FNBP1L: variants seen among roughly 807,000 people sequenced by gnomAD.
The protein encoded by FNBP1L is formin binding protein 1 like, also known as formin-binding protein 1-like.
Under a neutral mutation model 91.2 loss-of-function variants are expected in FNBP1L, and 36 were observed. The ratio of observed to expected loss-of-function variants is 0.39; its 90% CI spans 0.30 to 0.52. The LOEUF (loss-of-function observed/expected upper bound fraction) is 0.52, where lower values mean the gene tolerates loss of function less well. Among genes scored for constraint, FNBP1L ranks in the 20% least tolerant of loss-of-function variants. The probability of loss-of-function intolerance (pLI) is 0.66; values close to 1 mark genes in which losing one functional copy is unlikely to be tolerated. For synonymous variants in FNBP1L, 242 were observed against 237.0 expected, an observed-to-expected ratio of 1.02 and a Z score of -0.19; for missense variants, 571 against 732.1, an observed-to-expected ratio of 0.78 and a Z score of 2.54.
intron 2 of FNBP1L, among the ~76,000 whole-genome samples, chr1:93,505,023 C>T (rs747998706): frequency 6.6e-6 from 1 of 151,192 alleles, no homozygotes. Context: ...AGATTTTCTC[C>T]TATGTTTTCT....
At chr1:93,489,826 T>C (rs971924541) in intron 1 of FNBP1L, among the ~76,000 whole-genome samples, 5 of 152,300 alleles carry the variant, frequency 3.3e-5, no homozygotes, top group Non-Finnish European at 7.4e-5. Context: ...TTTAGCTCTA[T>C]GAGACTGAAA....
intron 14 of FNBP1L, 24 bp downstream of exon 14, chr1:93,547,465 A>G (rs1343187287): frequency 2.0e-5 from 31 of 1,528,982 alleles, no homozygotes; most frequent in Non-Finnish European, 2.7e-5. Context: ...TTTTATTTGT[A>G]TTTCTTCTCC....
intron 2 of FNBP1L, among the ~76,000 whole-genome samples, chr1:93,517,838 G>C (rs1194209139): frequency 6.6e-6 from 1 of 152,020 alleles, no homozygotes; most frequent in Non-Finnish European, 1.5e-5. Flanking sequence ...ACCATCTCTG[G>C]TGTTGGCATC....
At chr1:93,536,089 CTG>C (rs759747252) in intron 9 of FNBP1L, among the ~76,000 whole-genome samples, 6 of 151,946 alleles carry the variant, frequency 3.9e-5, no homozygotes, top group Non-Finnish European at 7.4e-5. Context: ...TTTGTGAACT[CTG>C]TGTTTTTAAT....
At chr1:93,453,547 G>A (rs1668563982) in intron 1 of FNBP1L, among the ~76,000 whole-genome samples, 1 of 152,118 alleles carries the variant, frequency 6.6e-6, no homozygotes, top group South Asian at 2.1e-4. Context: ...AATAGTAAGA[G>A]AAATAGTAAT....
Position 93,502,926 on chromosome 1 carries a change from G to A in FNBP1L, c.140+3343G>A, listed in dbSNP as rs143398815. On this transcript the variant is annotated intron_variant, in intron 2 of 16. Coordinates refer to ENST00000271234, the MANE Select transcript of FNBP1L (RefSeq NM_001164473.3). ...TTAGTAAATGATTGGATTATCAGCTGCTGTTTATAGTATGTCTTTTATCCA... is the reference window on the plus strand; with the variant it reads ...TTAGTAAATGATTGGATTATCAGCTACTGTTTATAGTATGTCTTTTATCCA... Among the ~76,000 whole-genome samples the A allele has an allele frequency of 4.1e-4, 62 of 152,292 alleles. 1 individual carries two copies. The East Asian group carries it at 0.012, about 28-fold the overall frequency.
At chr1:93,525,012 A>G (rs1468100001) in intron 5 of FNBP1L, among the ~76,000 whole-genome samples, 1 of 151,972 alleles carries the variant, frequency 6.6e-6, no homozygotes, top group Admixed American at 6.6e-5. Context: ...TTCACGTAGA[A>G]CACTGCAGTT....
intron 2 of FNBP1L, among the ~76,000 whole-genome samples, chr1:93,507,459 T>TA (rs766277118): frequency 3.4e-4 from 52 of 152,132 alleles, no homozygotes; most frequent in Non-Finnish European, 6.5e-4. Context: ...GCTTTGCACT[T>TA]ACCTATTAAA....
intron 1 of FNBP1L, among the ~76,000 whole-genome samples, chr1:93,451,246 A>G (rs1570752817): frequency 1.3e-5 from 2 of 152,344 alleles, no homozygotes; most frequent in South Asian, 2.1e-4. Flanking sequence ...TTCACAAAGC[A>G]CAGATTTTGA....
chr1:93,538,133 A>G (rs1039938232), intron 10 of FNBP1L, among the ~76,000 whole-genome samples: 7 of 152,052 alleles, frequency 4.6e-5, no homozygotes, highest in Non-Finnish European at 1.0e-4. Context: ...TTTACACTAT[A>G]TAGTCATAGT....
At chr1:93,551,224 A>G in intron 16 of FNBP1L, 119 bp downstream of exon 16, 2 of 1,390,498 alleles carry the variant, frequency 1.4e-6, no homozygotes, top group Non-Finnish European at 1.9e-6. Context: ...CTTAAAGGGC[A>G]TCCAAGATTA....
chr1:93,479,866 C>T (rs1426253358), intron 1 of FNBP1L, among the ~76,000 whole-genome samples: 2 of 152,062 alleles, frequency 1.3e-5, no homozygotes, highest in Non-Finnish European at 2.9e-5. Context: ...TCAGTTTGTA[C>T]AATAGTGGTC....
chr1:93,451,560 T>C (rs981049837), intron 1 of FNBP1L, among the ~76,000 whole-genome samples: 10 of 152,180 alleles, frequency 6.6e-5, no homozygotes, highest in African/African-American at 2.2e-4. Context: ...ATATAAATCT[T>C]TTTTATGCCT....
rs891772363 is a variant in FNBP1L, at chr1:93,547,794, C to A, written c.1502+353C>A. 2.0e-5 allele frequency among the ~76,000 whole-genome samples: 3 copies of A among 152,016 alleles called. No individual in the cohort carries two copies. In the East Asian group the frequency reaches 5.8e-4, roughly 29 times the overall value. On this transcript the variant is annotated intron_variant, in intron 14 of 16. Transcript: ENST00000271234. ...AGAAAAATTTTACTATCAAATAGCT[C>A]AGAGTTTTGTGAAGAAAAAAAAATG...
chr1:93,530,647 T>G lies in FNBP1L; in HGVS notation c.511-108T>G, dbSNP rs867474357. 14 of 1,137,902 alleles carry G rather than the reference T, an allele frequency of 1.2e-5. No homozygotes were observed. In the African/African-American group the frequency reaches 1.6e-4, roughly 13 times the overall value. 70.5% of individuals were successfully genotyped at this position (1,137,902 alleles called of 1,614,324 possible). On this transcript the variant is annotated intron_variant, in intron 6 of 16. Coordinates refer to ENST00000271234, the MANE Select transcript of FNBP1L (RefSeq NM_001164473.3). ...ATGCCACGTCATTATTCTTTTGATG[T>G]CAGGTGTTGGCTTCTTCATTGATAA...
At chr1:93,491,059 C>T (rs552247436) in intron 1 of FNBP1L, among the ~76,000 whole-genome samples, 2 of 152,044 alleles carry the variant, frequency 1.3e-5, no homozygotes, top group Admixed American at 1.3e-4. Flanking sequence ...CCCACCTCAG[C>T]CTCCAGAGTA....
chr1:93,551,326 G>T, intron 16 of FNBP1L: 1 of 1,217,368 alleles, frequency 8.2e-7, no homozygotes, highest in Non-Finnish European at 1.0e-6. Context: ...AGTAACGTTG[G>T]TGTGAAGCTT....
At chr1:93,454,850 A>G (rs1054385904) in intron 1 of FNBP1L, among the ~76,000 whole-genome samples, 7 of 152,192 alleles carry the variant, frequency 4.6e-5, no homozygotes, top group Non-Finnish European at 8.8e-5. Context: ...ATGACTTAAA[A>G]TATATGGGAC....
intron 2 of FNBP1L, among the ~76,000 whole-genome samples, chr1:93,514,527 G>A (rs1303761699): frequency 6.6e-6 from 1 of 152,054 alleles, no homozygotes; most frequent in Non-Finnish European, 1.5e-5. Context: ...ATACTACAAG[G>A]CTACAGTAAC....
Sources: allele counts gnomAD v4.1 joint callset (sites outside exome capture counted in the v4.1 genomes callset), GRCh38; gene constraint gnomAD v4.1.1; transcripts MANE v1.5; gene names NCBI Gene and HGNC (gene_info 2026-07-23, HGNC 2026-07-21).